Variants in CDH8 observed in about 807,000 individuals in gnomAD.
CDH8 encodes cadherin-8.
Under a neutral mutation model 68.1 loss-of-function variants are expected in CDH8, and 17 were observed. The observed-to-expected ratio is 0.25, with a 90% CI of 0.17 to 0.37. CDH8 has a LOEUF of 0.37. Ranked by LOEUF, CDH8 falls within the 10% of genes least tolerant of loss-of-function variation. The pLI, the probability that CDH8 is intolerant of heterozygous loss-of-function variation, is 1.00. For synonymous variants in CDH8, 372 were observed against 365.1 expected (o/e 1.02, Z -0.21); for missense variants, 763 against 999.3 (o/e 0.76, Z 3.19).
chr16:61,903,953 T>A (rs1964023208), intron 2 of CDH8, among the ~76,000 whole-genome samples: 2 of 129,610 alleles, frequency 1.5e-5, no homozygotes, highest in South Asian at 4.7e-4. Flanking sequence ...ACAGCACTTT[T>A]TAAAAAAAAA....
chr16:61,733,188 G>C (rs985276425), intron 8 of CDH8, among the ~76,000 whole-genome samples: 1 of 151,760 alleles, frequency 6.6e-6, no homozygotes, highest in Admixed American at 6.6e-5. Context: ...CTTGAATTAA[G>C]ATGATATACA....
chr16:61,956,598 T>G (rs1964992991), intron 2 of CDH8, among the ~76,000 whole-genome samples: 1 of 152,210 alleles, frequency 6.6e-6, no homozygotes, highest in Non-Finnish European at 1.5e-5. Context: ...ACCATAAAAA[T>G]ACCAAGTCCC....
intron 3 of CDH8, among the ~76,000 whole-genome samples, chr16:61,866,017 A>G (rs2143021357): frequency 6.6e-6 from 1 of 152,264 alleles, no homozygotes; most frequent in South Asian, 2.1e-4. Context: ...TAGGAATTCA[A>G]GACTAGCCTG....
At chr16:61,680,940 C>T (rs1009685722) in intron 10 of CDH8, among the ~76,000 whole-genome samples, 1 of 151,724 alleles carries the variant, frequency 6.6e-6, no homozygotes, top group African/African-American at 2.4e-5. Context: ...TACACCAATG[C>T]AAATTAGAAA....
chr16:61,759,905 C>G (rs1040002400), intron 8 of CDH8, among the ~76,000 whole-genome samples: 5 of 152,136 alleles, frequency 3.3e-5, no homozygotes, highest in Non-Finnish European at 7.3e-5. Context: ...GTGTCAATAT[C>G]AGAGCTGCTT....
At chr16:61,803,164 A>G (rs1158898052) in intron 7 of CDH8, among the ~76,000 whole-genome samples, 77 of 84,560 alleles carry the variant, frequency 9.1e-4, no homozygotes, top group Non-Finnish European at 1.3e-3. Context: ...CCAATATTCA[A>G]CATTCTTAAA....
chr16:61,922,027 G>GAA (rs1339018831), intron 2 of CDH8, among the ~76,000 whole-genome samples: 13 of 145,478 alleles, frequency 8.9e-5, no homozygotes, highest in African/African-American at 3.2e-4. Context: ...CAAGCCTGGG[G>GAA]AAAAAAAAAA....
intron 2 of CDH8, among the ~76,000 whole-genome samples, chr16:62,007,882 CCTGTGAAAAT>C (rs1284699275): frequency 6.6e-6 from 1 of 152,050 alleles, no homozygotes; most frequent in Non-Finnish European, 1.5e-5. Context: ...ATGCTGTGAT[CCTGTGAAAAT>C]CTCTTACTTT....
chr16:61,758,824 A>G (rs567207739), intron 8 of CDH8, among the ~76,000 whole-genome samples: 5 of 152,328 alleles, frequency 3.3e-5, no homozygotes, highest in African/African-American at 1.2e-4. Flanking sequence ...TGTTGTTAAT[A>G]TCTCAGAAAG....
At chr16:61,658,683 C>T (rs531921010) in intron 10 of CDH8, among the ~76,000 whole-genome samples, 10 of 151,988 alleles carry the variant, frequency 6.6e-5, no homozygotes, top group Admixed American at 5.9e-4. Flanking sequence ...TTTCTCATAC[C>T]GTGTTCTTTA....
chr16:61,869,749 T>TAGC (rs1451808704), intron 3 of CDH8, among the ~76,000 whole-genome samples: 8 of 152,186 alleles, frequency 5.3e-5, no homozygotes, highest in Admixed American at 4.6e-4. Context: ...AAGCAAAAAT[T>TAGC]AGCAGATTTG....
At chr16:61,876,814 T>C (rs1597035244) in intron 3 of CDH8, among the ~76,000 whole-genome samples, 1 of 151,998 alleles carries the variant, frequency 6.6e-6, no homozygotes, top group African/African-American at 2.4e-5. Context: ...AATCTAAGCA[T>C]TATCCTAGAT....
At chr16:61,882,816 C>A (rs1963601903) in intron 3 of CDH8, among the ~76,000 whole-genome samples, 2 of 152,104 alleles carry the variant, frequency 1.3e-5, no homozygotes, top group South Asian at 4.1e-4. Context: ...TACAACCAAC[C>A]CCCATGCCAC....
chr16:61,970,030 A>G (rs1415676457), intron 2 of CDH8, among the ~76,000 whole-genome samples: 1 of 152,220 alleles, frequency 6.6e-6, no homozygotes, highest in African/African-American at 2.4e-5. Context: ...TCTTCAATAT[A>G]TGTCTTAAAG....
At chr16:61,712,445 C>T (rs761156547) in intron 10 of CDH8, among the ~76,000 whole-genome samples, 30 of 151,510 alleles carry the variant, frequency 2.0e-4, no homozygotes, top group Non-Finnish European at 3.8e-4. Flanking sequence ...AAATGCTGTG[C>T]GTTTTATATG....
At chr16:61,966,893 G>A (rs1715806973) in intron 2 of CDH8, among the ~76,000 whole-genome samples, 1 of 152,032 alleles carries the variant, frequency 6.6e-6, no homozygotes, top group African/African-American at 2.4e-5. Flanking sequence ...AATATGAGAG[G>A]ATAATTTCAC....
intron 2 of CDH8, among the ~76,000 whole-genome samples, chr16:61,975,137 C>T (rs1439512296): frequency 1.4e-4 from 22 of 152,036 alleles, no homozygotes; most frequent in Non-Finnish European, 3.2e-4. Context: ...AAGACAGTCT[C>T]AAGAAGCCAT....
intron 8 of CDH8, among the ~76,000 whole-genome samples, chr16:61,780,127 G>A (rs528054910): frequency 1.4e-4 from 21 of 152,194 alleles, no homozygotes; most frequent in South Asian, 6.2e-4. Flanking sequence ...TAAAAGCATC[G>A]AAGGGCTTTT....
At chr16:61,719,133 T>A (rs1959199588) in intron 9 of CDH8, among the ~76,000 whole-genome samples, 1 of 150,928 alleles carries the variant, frequency 6.6e-6, no homozygotes, top group Non-Finnish European at 1.5e-5. Context: ...TCACCATTTT[T>A]TTTTTTTTTG....
Sources: gnomAD v4.1 joint callset for allele counts (sites outside exome capture counted in the v4.1 genomes callset) on GRCh38, gnomAD v4.1.1 for gene constraint, MANE v1.5 for transcripts, NCBI Gene and HGNC (gene_info 2026-07-23, HGNC 2026-07-21) for gene names.